PTPN4: variants seen among roughly 807,000 people sequenced by gnomAD.
PTPN4 encodes the protein tyrosine-protein phosphatase non-receptor type 4.
Under a neutral mutation model 135.5 loss-of-function variants are expected in PTPN4, and 49 were observed. The observed-to-expected ratio is 0.36, with a 90% CI of 0.29 to 0.46. The LOEUF (loss-of-function observed/expected upper bound fraction) is 0.46. Ranked by LOEUF, PTPN4 falls within the 20% of genes least tolerant of loss-of-function variation. The pLI, the probability that PTPN4 is intolerant of heterozygous loss-of-function variation, is 1.00. For synonymous variants in PTPN4, 333 were observed against 369.9 expected (o/e 0.90, Z 1.14); for missense variants, 860 against 1,101.0 (o/e 0.78, Z 3.10).
In PTPN4 at chr2:119,815,817, C is replaced by T. The variant is rs550657474; in HGVS notation, c.138+5826C>T. On this transcript the variant is annotated intron_variant, in intron 2 of 26. Coordinates refer to ENST00000263708, the MANE Select transcript of PTPN4 (RefSeq NM_002830.4). ...AAAGATTTTCAGCTTGGTTTTCCTT[C>T]TCTGGAAATTACATGTAGATTTTAT... Among the ~76,000 whole-genome samples, 383 of 152,218 alleles carry T rather than the reference C, an allele frequency of 2.5e-3. 1 individual carries two copies. The highest frequency in any genetic ancestry group is 9.0e-3 in the African/African-American group (374 of 41,522).
chr2:119,790,319 G>A (rs966785224), intron 1 of PTPN4, among the ~76,000 whole-genome samples: 43 of 151,898 alleles, frequency 2.8e-4, no homozygotes, highest in Admixed American at 4.6e-4. Flanking sequence ...TCCTACTATT[G>A]TCAAATTGTC....
At chr2:119,962,810 T>C in intron 24 of PTPN4, 66 bp downstream of exon 24, 2 of 1,272,216 alleles carry the variant, frequency 1.6e-6, no homozygotes. Flanking sequence ...AAGCTGAAAA[T>C]GTTTTTAGTT....
Position 119,760,308 on chromosome 2 carries a change from A to T in PTPN4, c.-94A>T. On this transcript the variant is annotated 5_prime_UTR_variant, in exon 1 of 27. Transcript: ENST00000263708. Reference sequence around the variant, plus strand: ...GTAGCCCCCCGGAGCGGCACGGAGGACGCGCTTCTCCTCTGCGCGCCGGGG... The same window carrying T: ...GTAGCCCCCCGGAGCGGCACGGAGGTCGCGCTTCTCCTCTGCGCGCCGGGG... 2 of 395,428 alleles carry T rather than the reference A, an allele frequency of 5.1e-6. No individual in the cohort carries two copies. 24.5% of individuals were successfully genotyped at this position (395,428 alleles called of 1,614,324 possible).
intron 1 of PTPN4, among the ~76,000 whole-genome samples, chr2:119,798,196 T>C (rs1156453448): frequency 6.6e-6 from 1 of 151,846 alleles, no homozygotes; most frequent in Non-Finnish European, 1.5e-5. Context: ...GACGGAGTTT[T>C]GCGCTTGTCA....
In PTPN4 at chr2:119,983,235, C is replaced by A. The variant is rs1867775; in HGVS notation, c.*6165C>A. On this transcript the variant is annotated 3_prime_UTR_variant, in exon 27 of 27. Transcript: ENST00000263708. ...CTTGTGATAAGCTTAAATGCCACAT[C>A]GCTAAGTACAATTATTACCAGGAAT... The A allele has an allele frequency of 1.3e-5, 2 of 152,084 alleles. No homozygotes were observed. The highest frequency in any genetic ancestry group is 2.9e-5 in the Non-Finnish European group (2 of 68,026). The allele number at this position is 152,084 out of a possible 1,614,324, so 9.4% of individuals were successfully genotyped here.
intron 1 of PTPN4, among the ~76,000 whole-genome samples, chr2:119,776,576 T>C (rs1323283757): frequency 6.6e-6 from 1 of 152,138 alleles, no homozygotes; most frequent in Non-Finnish European, 1.5e-5. Context: ...CTGCTTCCCC[T>C]TCCACTTCCT....
rs72836821 is a variant in PTPN4, at chr2:119,825,086, A to G, written c.138+15095A>G. ...GTATATACTTATTTCTATAAACTGA[A>G]TAACTTCTCCCAGCTTTTCAACTTG... On this transcript the variant is annotated intron_variant, in intron 2 of 26. Transcript: ENST00000263708. 3.4e-3 allele frequency among the ~76,000 whole-genome samples: 516 copies of G among 152,292 alleles called. 7 individuals are homozygous for G. The highest frequency in any genetic ancestry group is 2.2e-3 in the Non-Finnish European group (150 of 68,018).
At chr2:119,901,379 T>A (rs1207847954) in intron 10 of PTPN4, among the ~76,000 whole-genome samples, 1 of 152,216 alleles carries the variant, frequency 6.6e-6, no homozygotes, top group Non-Finnish European at 1.5e-5. Context: ...CTCAGATTGT[T>A]TAGGAGTCCC....
At chr2:119,773,043 A>G (rs1207117277) in intron 1 of PTPN4, among the ~76,000 whole-genome samples, 1 of 152,192 alleles carries the variant, frequency 6.6e-6, no homozygotes, top group Non-Finnish European at 1.5e-5. Flanking sequence ...CTAGCAATGG[A>G]AAGAAGTGGT....
chr2:119,831,072 G>T (rs1677212900), intron 2 of PTPN4, among the ~76,000 whole-genome samples: 1 of 152,140 alleles, frequency 6.6e-6, no homozygotes, highest in Admixed American at 6.5e-5. Flanking sequence ...TGGCAGTAGG[G>T]CGTGGTTTGG....
At chr2:119,934,996 A>T (rs1390110596) in intron 15 of PTPN4, 38 bp downstream of exon 15, 1 of 1,550,522 alleles carries the variant, frequency 6.4e-7, no homozygotes, top group Non-Finnish European at 8.8e-7. Flanking sequence ...TGTATTTTCA[A>T]ATGCCCCAAA....
intron 18 of PTPN4, among the ~76,000 whole-genome samples, chr2:119,947,762 CCACACA>C (rs3084728): frequency 1.8e-4 from 27 of 147,240 alleles, no homozygotes; most frequent in African/African-American, 2.7e-4. Flanking sequence ...AACACCACTA[CCACACA>C]CACACACACA....
chr2:119,967,923 A>T lies in PTPN4; in HGVS notation c.2645A>T (p.Asp882Val). The T allele has an allele frequency of 6.2e-7, 1 of 1,610,892 alleles. No homozygotes were observed. Among genetic ancestry groups the T allele is most frequent in the Non-Finnish European group, 8.5e-7 (1 of 1,177,656 alleles). Residue 882 changes from aspartate to valine, a missense_variant, in exon 26 of 27, where the codon GAT (aspartate) becomes GTT (valine). Around this residue, in one of 2 missense-constraint regions of PTPN4, gnomAD observed 176 missense variants for 294.1 expected, o/e 0.60. Coordinates refer to ENST00000263708, the MANE Select transcript of PTPN4 (RefSeq NM_002830.4). ...TGCAATCAGCCAGTTTATCCACTAG[A>T]TATTGTAAGAACAATGAGAGATCAG... ...IECNQPVYPL[D>V]IVRTMRDQRA...
chr2:119,810,078 G>A, intron 2 of PTPN4, 87 bp downstream of exon 2: 2 of 1,402,534 alleles, frequency 1.4e-6, no homozygotes, highest in Non-Finnish European at 1.9e-6. Context: ...TTAAATTATA[G>A]TACAGTTTGA....
intron 1 of PTPN4, among the ~76,000 whole-genome samples, chr2:119,786,495 C>T (rs1332897202): frequency 6.6e-6 from 1 of 152,116 alleles, no homozygotes; most frequent in East Asian, 1.9e-4. Flanking sequence ...TGAAGTTGCT[C>T]CACTCACATA....
At chr2:119,928,547 C>A (rs1043409895) in intron 13 of PTPN4, among the ~76,000 whole-genome samples, 1 of 152,028 alleles carries the variant, frequency 6.6e-6, no homozygotes, top group Non-Finnish European at 1.5e-5. Context: ...TTGGACCAAA[C>A]GGTGTCATGA....
At chr2:119,822,369 T>C (rs1306762074) in intron 2 of PTPN4, among the ~76,000 whole-genome samples, 1 of 140,542 alleles carries the variant, frequency 7.1e-6, no homozygotes. Flanking sequence ...CCCCCCTTTT[T>C]TTTTTTTGAG....
chr2:119,796,478 A>C (rs191723543), intron 1 of PTPN4, among the ~76,000 whole-genome samples: 1 of 152,046 alleles, frequency 6.6e-6, no homozygotes, highest in East Asian at 1.9e-4. Context: ...TTTTTGGTCT[A>C]ATTTGTTTCT....
At chr2:119,844,857 C>G (rs1424175203) in intron 2 of PTPN4, among the ~76,000 whole-genome samples, 1 of 150,338 alleles carries the variant, frequency 6.7e-6, no homozygotes, top group Admixed American at 6.6e-5. Flanking sequence ...GTGTGGCAGC[C>G]GGGCAGAGGC....
Sources: gnomAD v4.1 joint callset for allele counts (sites outside exome capture counted in the v4.1 genomes callset) on GRCh38, gnomAD v4.1.1 for gene constraint, gnomAD v4.1.1 regional missense constraint, MANE v1.5 for transcripts, NCBI Gene and HGNC (gene_info 2026-07-23, HGNC 2026-07-21) for gene names.